CLASP1: variants seen among roughly 807,000 people sequenced by gnomAD.
CLASP1 encodes the protein cytoplasmic linker associated protein 1, also known as CLIP-associating protein 1.
In CLASP1, 38 loss-of-function variants were observed where a neutral mutation model predicts 192.3. That is an observed-to-expected ratio of 0.20 (90% CI 0.15 to 0.26). The LOEUF (loss-of-function observed/expected upper bound fraction) is 0.26, where lower values mean the gene tolerates loss of function less well. CLASP1 is among the 10% of genes least tolerant of loss of function. The pLI is 1.00. For missense variants in CLASP1, 1,433 were observed against 1,932.5 expected (o/e 0.74, Z 4.85); for synonymous variants, 691 against 712.8 (o/e 0.97, Z 0.49).
exon 19 of CLASP1, chr2:121,447,365 A>C: frequency 6.3e-7 from 1 of 1,590,620 alleles, no homozygotes; most frequent in East Asian, 2.3e-5. Context: ...CTGGAGGCAA[A>C]GCTGCTGCAG....
chr2:121,448,218 C>T, intron 18 of CLASP1, 58 bp downstream of exon 18: 3 of 1,478,576 alleles, frequency 2.0e-6, no homozygotes, highest in South Asian at 2.3e-5. Context: ...CCTCTTGCAG[C>T]TGCACGTACA....
chr2:121,605,401 C>T (rs1300858767), intron 2 of CLASP1, among the ~76,000 whole-genome samples: 1 of 152,212 alleles, frequency 6.6e-6, no homozygotes, highest in Non-Finnish European at 1.5e-5. Context: ...ACATAATATA[C>T]ACATTAACTT....
At chr2:121,514,769 C>T (rs554146026) in intron 7 of CLASP1, among the ~76,000 whole-genome samples, 1 of 152,204 alleles carries the variant, frequency 6.6e-6, no homozygotes, top group Non-Finnish European at 1.5e-5. Flanking sequence ...TATTCCATCC[C>T]ATTTCCAGAT....
Position 121,402,882 on chromosome 2 carries a change from G to T in CLASP1, c.2734-1012C>A, listed in dbSNP as rs1268000990. Among the ~76,000 whole-genome samples, 21 of 152,150 alleles carry T rather than the reference G, an allele frequency of 1.4e-4. 1 individual carries two copies. Among genetic ancestry groups the T allele is most frequent in the Admixed American group, 1.4e-3 (21 of 15,280 alleles). On this transcript the variant is annotated intron_variant, in intron 26 of 39. Transcript: ENST00000263710. ...TATTGAGACAGAGTCTCACTCTGTT[G>T]TTCAGGCAGGAGTGCAGTGGTGCGA...
intron 2 of CLASP1, among the ~76,000 whole-genome samples, chr2:121,561,652 T>A (rs2059098482): frequency 6.6e-6 from 1 of 152,248 alleles, no homozygotes; most frequent in Non-Finnish European, 1.5e-5. Context: ...TGTGAATTTG[T>A]GTAGGACCAC....
chr2:121,471,421 A>C (rs1316079578), intron 8 of CLASP1, among the ~76,000 whole-genome samples: 5 of 152,228 alleles, frequency 3.3e-5, no homozygotes, highest in Non-Finnish European at 7.3e-5. Context: ...GAGTAATTTA[A>C]ATAAAAAAAA....
At chr2:121,403,419 A>G in intron 26 of CLASP1, 1 of 456,716 alleles carries the variant, frequency 2.2e-6, no homozygotes, top group South Asian at 1.5e-5. Context: ...ACGAGGAAGC[A>G]AGGATAGGAA....
At chr2:121,506,174 A>T (rs56266525) in intron 7 of CLASP1, among the ~76,000 whole-genome samples, 1 of 152,336 alleles carries the variant, frequency 6.6e-6, no homozygotes, top group African/African-American at 2.4e-5. Flanking sequence ...ACATTGGCAA[A>T]AACCGTCCAA....
chr2:121,404,751 C>T (rs2076665178), intron 25 of CLASP1, among the ~76,000 whole-genome samples: 1 of 152,160 alleles, frequency 6.6e-6, no homozygotes, highest in Non-Finnish European at 1.5e-5. Context: ...GAGATTTGCT[C>T]TCATTTTAAG....
intron 22 of CLASP1, 63 bp from the exon 23 acceptor site, chr2:121,418,792 A>C: frequency 3.3e-5 from 38 of 1,153,300 alleles, no homozygotes; most frequent in Non-Finnish European, 4.6e-5. Flanking sequence ...AGATAAACTC[A>C]CAAAATGTCA....
intron 19 of CLASP1, among the ~76,000 whole-genome samples, chr2:121,446,589 T>G (rs1410675260): frequency 6.6e-6 from 1 of 152,234 alleles, no homozygotes; most frequent in Non-Finnish European, 1.5e-5. Context: ...AGATTTTGGC[T>G]TTGAATGAAT....
At chr2:121,630,053 T>C (rs941693093) in intron 1 of CLASP1, among the ~76,000 whole-genome samples, 9 of 151,874 alleles carry the variant, frequency 5.9e-5, no homozygotes, top group Non-Finnish European at 1.3e-4. Flanking sequence ...CCTGAGTAGC[T>C]GGGATTACAG....
At chr2:121,393,435 G>A (rs2074718158) in intron 30 of CLASP1, among the ~76,000 whole-genome samples, 1 of 152,150 alleles carries the variant, frequency 6.6e-6, no homozygotes, top group Admixed American at 6.5e-5. Context: ...TGTTTAGTGT[G>A]TTAAATGATC....
intron 2 of CLASP1, among the ~76,000 whole-genome samples, chr2:121,573,657 T>C (rs1195639628): frequency 6.6e-6 from 1 of 152,216 alleles, no homozygotes; most frequent in East Asian, 1.9e-4. Context: ...TGAATACATG[T>C]GAGTAAAATT....
chr2:121,530,736 C>G, intron 2 of CLASP1: 2 of 513,098 alleles, frequency 3.9e-6, no homozygotes, highest in Non-Finnish European at 7.0e-6. Flanking sequence ...CCTCAGAAAA[C>G]AAAGAATTGG....
rs566780339 is a variant in CLASP1 at position 121,372,073 on chromosome 2, T to C, written c.3643-4242A>G. On this transcript the variant is annotated intron_variant, in intron 34 of 39. Coordinates refer to ENST00000263710, the Ensembl canonical transcript of CLASP1. ...AAAACATGGAAATCCAGTGAGCCCA[T>C]TCTCGAAGGAAAGGTCTTAACTTTA... is the stretch of plus-strand genomic sequence containing the variant. Among the ~76,000 whole-genome samples the C allele has an allele frequency of 3.9e-5, 6 of 152,358 alleles. No individual in the cohort carries two copies. The South Asian group carries it at 1.2e-3, about 32-fold the overall frequency.
chr2:121,474,194 A>G (rs2091256172), intron 8 of CLASP1, among the ~76,000 whole-genome samples: 2 of 152,162 alleles, frequency 1.3e-5, no homozygotes, highest in African/African-American at 4.8e-5. Context: ...TGGGGGCCAG[A>G]GGAACCAAAA....
At chr2:121,605,948 C>G in exon 2 of CLASP1, 1 of 1,541,558 alleles carries the variant, frequency 6.5e-7, no homozygotes, top group Non-Finnish European at 8.9e-7. Flanking sequence ...CACGATGACT[C>G]CCTCCCAGCA....
At chr2:121,580,542 T>TTGCAC (rs2061013304) in intron 2 of CLASP1, among the ~76,000 whole-genome samples, 1 of 152,242 alleles carries the variant, frequency 6.6e-6, no homozygotes, top group South Asian at 2.1e-4. Flanking sequence ...TATTTAAATT[T>TTGCAC]TGCACTTGCC....
Sources: allele counts gnomAD v4.1 joint callset (sites outside exome capture counted in the v4.1 genomes callset), GRCh38; gene constraint gnomAD v4.1.1; transcripts MANE v1.5; gene names NCBI Gene and HGNC (gene_info 2026-07-23, HGNC 2026-07-21).